Variants in RECK observed in about 807,000 individuals in gnomAD.
RECK encodes reversion inducing cysteine rich protein with kazal motifs.
Under a neutral mutation model 115.1 loss-of-function variants are expected in RECK, and 69 were observed. The ratio of observed to expected loss-of-function variants is 0.60; its 90% CI spans 0.49 to 0.73. The LOEUF is 0.73. Among genes scored for constraint, RECK ranks in the 30% least tolerant of loss-of-function variants. The pLI, the probability that RECK is intolerant of heterozygous loss-of-function variation, is 0.00. For synonymous variants in RECK, 414 were observed against 419.7 expected (o/e 0.99, Z 0.17); for missense variants, 1,047 against 1,203.7 (o/e 0.87, Z 1.93).
intron 1 of RECK, among the ~76,000 whole-genome samples, chr9:36,049,895 G>C (rs1486234463): frequency 6.6e-6 from 1 of 152,152 alleles, no homozygotes; most frequent in Non-Finnish European, 1.5e-5. Flanking sequence ...ACATTGCCAA[G>C]TACTGTGATC....
intron 13 of RECK, among the ~76,000 whole-genome samples, chr9:36,107,610 A>G (rs900983114): frequency 1.3e-5 from 2 of 152,040 alleles, no homozygotes; most frequent in Admixed American, 6.6e-5. Context: ...GTCTCAAAAA[A>G]AAAAAAAAAA....
Position 36,100,390 on chromosome 9 carries a change from T to A in RECK, c.1145T>A (p.Met382Lys). The change falls in exon 11 of 21, where the codon ATG becomes AAG. Residue 382 changes from methionine to lysine, a missense_variant. By Grantham distance (95) the Met-to-Lys change is moderately conservative. Coordinates refer to ENST00000377966, the MANE Select transcript of RECK (RefSeq NM_021111.3). ...TCAGATCAAGGAGCCATGAATGACA[T>A]GAAGTTGTGGGAGAAAGGAAGCATA... ...AQSDQGAMNDMKLWEKGSIKM... is the reference protein window; with the variant it reads ...AQSDQGAMNDKKLWEKGSIKM... The A allele has an allele frequency of 6.2e-7, 1 of 1,614,152 alleles. No individual in the cohort carries two copies. The highest frequency in any genetic ancestry group is 8.5e-7 in the Non-Finnish European group (1 of 1,180,010).
chr9:36,067,573 AC>A (rs1437444495), intron 6 of RECK, among the ~76,000 whole-genome samples: 2 of 152,182 alleles, frequency 1.3e-5, no homozygotes, highest in Non-Finnish European at 2.9e-5. Flanking sequence ...CCTAAGATAA[AC>A]CAGTTTAATA....
chr9:36,079,680 G>A (rs561090506), intron 6 of RECK, among the ~76,000 whole-genome samples: 13 of 152,162 alleles, frequency 8.5e-5, no homozygotes, highest in Non-Finnish European at 1.5e-4. Flanking sequence ...AGCCAAAATC[G>A]TCTCGTTTCA....
chr9:36,120,772 T>G, intron 19 of RECK, 36 bp downstream of exon 19: 3 of 1,302,402 alleles, frequency 2.3e-6, no homozygotes, highest in Non-Finnish European at 3.3e-6. Flanking sequence ...ATTGAAATCT[T>G]ATTGCTAAGC....
chr9:36,088,192 G>A (rs1340580129), intron 9 of RECK, among the ~76,000 whole-genome samples: 1 of 152,174 alleles, frequency 6.6e-6, no homozygotes, highest in Non-Finnish European at 1.5e-5. Flanking sequence ...TGGAGGATTA[G>A]CATTGGCAGG....
At chr9:36,082,154 C>CTCTCTCTCTCTT (rs1348515936) in intron 7 of RECK, among the ~76,000 whole-genome samples, 170 of 125,286 alleles carry the variant, frequency 1.4e-3, no homozygotes, top group African/African-American at 7.2e-3. Flanking sequence ...TCCCTGCTTT[C>CTCTCTCTCTCTT]TCTCTCTCTC....
intron 2 of RECK, among the ~76,000 whole-genome samples, chr9:36,058,096 G>A (rs999538918): frequency 1.3e-5 from 2 of 150,338 alleles, no homozygotes; most frequent in African/African-American, 2.5e-5. Flanking sequence ...TCAGTGTGGC[G>A]ATTCCTCAGG....
Position 36,093,543 on chromosome 9 carries a change from A to T in RECK, c.1085+2200A>T, listed in dbSNP as rs116486251. Among the ~76,000 whole-genome samples, 917 of 152,316 alleles carry T rather than the reference A, an allele frequency of 6.0e-3. 7 individuals are homozygous for T. The highest frequency in any genetic ancestry group is 0.021 in the African/African-American group (883 of 41,580). ...ATAAATTTATTGTAGGGAATGGAAA[A>T]TAGACACAGCAGAAGAAAAAGGTCA... On this transcript the variant is annotated intron_variant, in intron 10 of 20. Transcript: ENST00000377966.
rs1224434168 is a variant in RECK at position 36,100,540 on chromosome 9, G to C, written c.1295G>C (p.Cys432Ser). ...CHSKSRGSII[C>S]KSDCVEILKK... ...AGTAAATCTCGGGGAAGTATTATTT[G>C]CAAGTAAGTTTCTTTCATCCTAACG... is the stretch of plus-strand genomic sequence containing the variant. Residue 432 changes from cysteine to serine, a missense_variant, in exon 11 of 21, where the codon TGC becomes TCC. Physicochemically the swap from Cys to Ser is moderately radical, Grantham distance 112 (BLOSUM62 -1). Transcript: ENST00000377966. 1.2e-6 allele frequency: 2 copies of C among 1,610,666 alleles called. No individual in the cohort carries two copies. The highest frequency in any genetic ancestry group is 2.7e-5 in the African/African-American group (2 of 74,806).
At chr9:36,108,644 C>A (rs1265287809) in intron 14 of RECK, among the ~76,000 whole-genome samples, 3 of 152,114 alleles carry the variant, frequency 2.0e-5, no homozygotes, top group Admixed American at 2.0e-4. Context: ...TTCAGGCATA[C>A]CCCACCCCAC....
Position 36,117,091 on chromosome 9 carries a change from G to A in RECK, c.2167G>A (p.Val723Ile). The A allele has an allele frequency of 6.2e-7, 1 of 1,614,184 alleles. No homozygotes were observed. Among genetic ancestry groups the A allele is most frequent in the Non-Finnish European group, 8.5e-7 (1 of 1,180,022 alleles). The change falls in exon 17 of 21, where the codon GTT becomes ATT. Residue 723 changes from valine to isoleucine, a missense_variant. Coordinates refer to ENST00000377966, the MANE Select transcript of RECK (RefSeq NM_021111.3). ...CGCGTGTGACCAGGTCCAAGATCCTGTTTGTGACACAGACCACATGGAGCA... is the reference window on the plus strand; with the variant it reads ...CGCGTGTGACCAGGTCCAAGATCCTATTTGTGACACAGACCACATGGAGCA... ...QLACDQVQDP[V>I]CDTDHMEHNN...
chr9:36,077,822 G>A (rs1822508362), intron 6 of RECK, among the ~76,000 whole-genome samples: 1 of 152,114 alleles, frequency 6.6e-6, no homozygotes, highest in Non-Finnish European at 1.5e-5. Flanking sequence ...GACTTTTTCT[G>A]TAAGGGGCCA....
At chr9:36,070,236 A>G (rs1475206514) in intron 6 of RECK, among the ~76,000 whole-genome samples, 1 of 152,190 alleles carries the variant, frequency 6.6e-6, no homozygotes, top group African/African-American at 2.4e-5. Flanking sequence ...ACATAGTAAC[A>G]GTAGCATTTA....
chr9:36,083,220 A>G (rs772654520), intron 7 of RECK, 145 bp from the exon 8 acceptor site: 8 of 764,182 alleles, frequency 1.0e-5, no homozygotes, highest in Non-Finnish European at 1.7e-5. Context: ...ATACCTACAG[A>G]AGTGCCGATT....
chr9:36,070,945 T>G (rs1456829537), intron 6 of RECK, among the ~76,000 whole-genome samples: 1 of 152,184 alleles, frequency 6.6e-6, no homozygotes, highest in Non-Finnish European at 1.5e-5. Flanking sequence ...TTTCACAGGC[T>G]TTGTCCTTTG....
intron 6 of RECK, among the ~76,000 whole-genome samples, chr9:36,072,204 G>T (rs1474861948): frequency 6.6e-6 from 1 of 152,154 alleles, no homozygotes; most frequent in East Asian, 1.9e-4. Context: ...TCTGCTTAAA[G>T]ATTTCTGTGT....
intron 8 of RECK, among the ~76,000 whole-genome samples, chr9:36,087,263 T>G (rs1284829167): frequency 1.3e-5 from 2 of 151,012 alleles, no homozygotes; most frequent in Admixed American, 6.6e-5. Context: ...AGTGACAGAC[T>G]GAATAAAGAA....
At chr9:36,071,384 T>G (rs1248242928) in intron 6 of RECK, among the ~76,000 whole-genome samples, 1 of 152,206 alleles carries the variant, frequency 6.6e-6, no homozygotes, top group African/African-American at 2.4e-5. Context: ...TAAATTTTAG[T>G]TTGAAGTTTG....
Sources: gnomAD v4.1 joint callset for allele counts (sites outside exome capture counted in the v4.1 genomes callset) on GRCh38, gnomAD v4.1.1 for gene constraint, MANE v1.5 for transcripts, NCBI Gene and HGNC (gene_info 2026-07-23, HGNC 2026-07-21) for gene names.